NTMT2: variants seen among roughly 807,000 people sequenced by gnomAD.
NTMT2 encodes the protein N-terminal Xaa-Pro-Lys N-methyltransferase 2.
A neutral mutation model predicts 23.4 loss-of-function variants in NTMT2; 21 were observed. That is an observed-to-expected ratio of 0.90 (90% CI 0.64 to 1.29). The LOEUF (loss-of-function observed/expected upper bound fraction) is 1.29. Among genes scored for constraint, NTMT2 ranks in the 50% most tolerant of loss-of-function variants. The pLI, the probability that NTMT2 is intolerant of heterozygous loss-of-function variation, is 0.00. For synonymous variants in NTMT2, 131 were observed against 127.7 expected (o/e 1.03, Z -0.17); for missense variants, 336 against 352.0 (o/e 0.95, Z 0.36).
At chr1:170,160,444 G>A in intron 1 of NTMT2, 74 bp from the exon 2 acceptor site, 1 of 1,248,286 alleles carries the variant, frequency 8.0e-7, no homozygotes, top group South Asian at 2.0e-5. Context: ...CTTTTAAAAG[G>A]AAATGCAATG....
At chr1:170,152,056 C>A (rs937629071) in intron 1 of NTMT2, among the ~76,000 whole-genome samples, 5 of 151,870 alleles carry the variant, frequency 3.3e-5, no homozygotes, top group Non-Finnish European at 7.4e-5. Flanking sequence ...TTTCTTGTAC[C>A]CATATATTAT....
At chr1:170,157,605 T>C (rs961459260) in intron 1 of NTMT2, among the ~76,000 whole-genome samples, 2 of 152,110 alleles carry the variant, frequency 1.3e-5, no homozygotes, top group South Asian at 2.1e-4. Flanking sequence ...TTTGGAATTA[T>C]GTAATTGTTC....
intron 1 of NTMT2, among the ~76,000 whole-genome samples, chr1:170,153,078 C>T (rs910616046): frequency 1.3e-5 from 2 of 152,190 alleles, no homozygotes; most frequent in Non-Finnish European, 2.9e-5. Flanking sequence ...TGTGCTTTTT[C>T]CTGCTTCACT....
chr1:170,155,221 G>A (rs921513648), intron 1 of NTMT2, among the ~76,000 whole-genome samples: 9 of 152,086 alleles, frequency 5.9e-5, no homozygotes, highest in African/African-American at 2.2e-4. Flanking sequence ...CACAAGAACA[G>A]CCTAACACAG....
intron 1 of NTMT2, among the ~76,000 whole-genome samples, chr1:170,146,629 AC>A (rs1474772102): frequency 1.3e-5 from 2 of 152,220 alleles, no homozygotes; most frequent in South Asian, 2.1e-4. Flanking sequence ...ATGCATTAAT[AC>A]ATTGAGTAAG....
chr1:170,146,549 C>T (rs1017944323), intron 1 of NTMT2, among the ~76,000 whole-genome samples: 2 of 152,042 alleles, frequency 1.3e-5, no homozygotes, highest in Admixed American at 1.3e-4. Flanking sequence ...CTTGTAGAAA[C>T]TCAGACATGT....
In NTMT2 at chr1:170,157,085, C is replaced by A. The variant is rs1001557229; in HGVS notation, c.155-3433C>A. On this transcript the variant is annotated intron_variant, in intron 1 of 3. Transcript: ENST00000439373. ...TCTGAGACATCGAAAGAATTTGGAA[C>A]AGTCATATTATTGGTGATGGCTGGT... 2.0e-5 allele frequency among the ~76,000 whole-genome samples: 3 copies of A among 152,186 alleles called. No homozygotes were observed. The South Asian group carries it at 6.2e-4, about 32-fold the overall frequency.
intron 3 of NTMT2, 59 bp from the exon 4 acceptor site, chr1:170,167,427 A>G: frequency 7.0e-7 from 1 of 1,428,528 alleles, no homozygotes. Flanking sequence ...TTCCCTACTC[A>G]CCTTCCATCC....
At chr1:170,149,929 G>A (rs1258438242) in intron 1 of NTMT2, among the ~76,000 whole-genome samples, 1 of 152,182 alleles carries the variant, frequency 6.6e-6, no homozygotes, top group Non-Finnish European at 1.5e-5. Context: ...ATGTTTTTCA[G>A]TTTGGAAATA....
chr1:170,157,587 A>T (rs75006049), intron 1 of NTMT2, among the ~76,000 whole-genome samples: 2,377 of 152,246 alleles, frequency 0.016, 67 homozygotes, highest in East Asian at 0.088. Flanking sequence ...TAACTCTCAG[A>T]ATCAAAATTT....
rs1239070556 is a variant in NTMT2, at chr1:170,166,470, T to C, written c.331-32T>C. ...TGTGCAATTTTCAAGGATGGGTCTCTGTACTTGAAATATCAAGGTGCCTTT... is the reference window on the plus strand; with the variant it reads ...TGTGCAATTTTCAAGGATGGGTCTCCGTACTTGAAATATCAAGGTGCCTTT... On this transcript the variant is annotated intron_variant, in intron 2 of 3. Transcript: ENST00000439373. 41 of 1,551,402 alleles carry C rather than the reference T, an allele frequency of 2.6e-5. No individual in the cohort carries two copies. The East Asian group carries it at 9.8e-4, about 37-fold the overall frequency.
chr1:170,167,511 T>C lies in NTMT2; in HGVS notation c.606T>C (p.Leu202=). The change falls in exon 4 of 4, where the codon CTT becomes CTC. Residue 202 remains leucine, a synonymous_variant. Coordinates refer to ENST00000439373, the MANE Select transcript of NTMT2 (RefSeq NM_001136107.2). ...GGCACCTGACTGATAAGGACCTTCT[T>C]GCATTTCTTTCCCGGTGCCGAGATG... ...VSGHLTDKDL[L]AFLSRCRDGL... 6.4e-7 allele frequency: 1 copy of C among 1,551,318 alleles called. No individual in the cohort carries two copies. Among genetic ancestry groups the C allele is most frequent in the Non-Finnish European group, 8.7e-7 (1 of 1,146,748 alleles).
rs1423542616 is a variant in NTMT2 at position 170,168,776 on chromosome 1, G to C, written c.*1019G>C. Among the ~76,000 whole-genome samples, 1 of 152,200 alleles carries C rather than the reference G, an allele frequency of 6.6e-6. No individual in the cohort carries two copies. Among genetic ancestry groups the C allele is most frequent in the Non-Finnish European group, 1.5e-5 (1 of 68,048 alleles). On this transcript the variant is annotated 3_prime_UTR_variant, in exon 4 of 4. Transcript: ENST00000439373. ...GATTGATATGAATGTATATTGGAAAGAGAAGCAGCAAAAGAAATGGACAAG... is the reference window on the plus strand; with the variant it reads ...GATTGATATGAATGTATATTGGAAACAGAAGCAGCAAAAGAAATGGACAAG...
chr1:170,149,055 C>T (rs1451342075), intron 1 of NTMT2, among the ~76,000 whole-genome samples: 1 of 152,162 alleles, frequency 6.6e-6, no homozygotes, highest in Non-Finnish European at 1.5e-5. Flanking sequence ...TAGTTCTGAT[C>T]AATTCAGTCA....
At position 170,148,142 on chromosome 1, in the gene NTMT2, C is replaced by CTTTTT. The variant is rs371620511; in HGVS notation, c.154+1901_154+1905dup. Among the ~76,000 whole-genome samples, 101 of 74,564 alleles carry CTTTTT rather than the reference C, an allele frequency of 1.4e-3. 4 individuals carry two copies. Among genetic ancestry groups the CTTTTT allele is most frequent in the African/African-American group, 2.1e-3 (37 of 17,932 alleles). 48.9% of individuals were successfully genotyped at this position (74,564 alleles called of 152,430 possible). ...CTTACCACTGTCTCCTGAGGCACTC[C>CTTTTT]TTTTTTTTTTTTTTTTTTTTTTTTG... On this transcript the variant is annotated intron_variant, in intron 1 of 3. Coordinates refer to ENST00000439373, the MANE Select transcript of NTMT2 (RefSeq NM_001136107.2).
intron 1 of NTMT2, among the ~76,000 whole-genome samples, chr1:170,159,188 G>A (rs1222847740): frequency 2.0e-5 from 3 of 152,130 alleles, no homozygotes; most frequent in African/African-American, 7.2e-5. Flanking sequence ...TCTGATGAGT[G>A]GGAGTAAGTG....
intron 1 of NTMT2, among the ~76,000 whole-genome samples, chr1:170,150,428 T>A (rs1391911397): frequency 6.6e-6 from 1 of 152,228 alleles, no homozygotes; most frequent in Non-Finnish European, 1.5e-5. Context: ...TTTTATAACA[T>A]CTCTATTAGG....
intron 1 of NTMT2, 70 bp from the exon 2 acceptor site, chr1:170,160,448 T>A: frequency 3.2e-6 from 4 of 1,258,878 alleles, no homozygotes; most frequent in Non-Finnish European, 4.2e-6. Flanking sequence ...TAAAAGGAAA[T>A]GCAATGCATA....
intron 1 of NTMT2, among the ~76,000 whole-genome samples, chr1:170,147,277 T>C (rs1411563011): frequency 1.3e-5 from 2 of 152,226 alleles, no homozygotes; most frequent in African/African-American, 2.4e-5. Context: ...TAAAACTTTT[T>C]ATCGTCTATG....
Sources: gnomAD v4.1 joint callset for allele counts (sites outside exome capture counted in the v4.1 genomes callset) on GRCh38, gnomAD v4.1.1 for gene constraint, MANE v1.5 for transcripts, NCBI Gene and HGNC (gene_info 2026-07-23, HGNC 2026-07-21) for gene names.